NRF1: variants seen among roughly 807,000 people sequenced by gnomAD.
NRF1 encodes the protein alpha palindromic-binding protein.
Under a neutral mutation model 58.5 loss-of-function variants are expected in NRF1, and 5 were observed. That is an observed-to-expected ratio of 0.09 (90% CI 0.04 to 0.18). The LOEUF is 0.18. Among genes scored for constraint, NRF1 ranks in the 10% least tolerant of loss-of-function variants. The pLI, the probability that NRF1 is intolerant of heterozygous loss-of-function variation, is 1.00. For synonymous variants in NRF1, 224 were observed against 246.7 expected, an observed-to-expected ratio of 0.91 and a Z score of 0.86; for missense variants, 288 against 657.7, an observed-to-expected ratio of 0.44 and a Z score of 6.15.
rs1404000422 is a variant in NRF1 at position 129,755,143 on chromosome 7, G to T, written c.1474G>T (p.Asp492Tyr). 1 of 1,613,558 alleles carries T rather than the reference G, an allele frequency of 6.2e-7. No individual in the cohort carries two copies. Among genetic ancestry groups the T allele is most frequent in the Non-Finnish European group, 8.5e-7 (1 of 1,179,836 alleles). Residue 492 changes from aspartate (D) to tyrosine (Y), a missense_variant, in exon 11 of 11, where the codon GAC becomes TAC. Asp to Tyr is a radical substitution (Grantham distance 160, BLOSUM62 -3). Coordinates refer to ENST00000393232, the MANE Select transcript of NRF1 (RefSeq NM_005011.5). This position sits in a 1 kb window ranked among gnomAD's most constrained non-coding sequence, Gnocchi z 5.8. ...TRISDSAVTM[D>Y]GQAVEVVTLE... ...GATATCAGACAGCGCAGTCACCATG[G>T]ACGGCCAAGCTGTGGAGGTGGTGAC...
chr7:129,659,625 T>A (rs1165771058), intron 2 of NRF1, among the ~76,000 whole-genome samples: 2 of 152,224 alleles, frequency 1.3e-5, no homozygotes, highest in Non-Finnish European at 2.9e-5. Context: ...GAAGGTACTG[T>A]TCCACTGTCT....
At chr7:129,628,883 C>G (rs1316851821) in intron 1 of NRF1, among the ~76,000 whole-genome samples, 1 of 152,180 alleles carries the variant, frequency 6.6e-6, no homozygotes, top group Non-Finnish European at 1.5e-5. Context: ...TTTGTAACAT[C>G]ATCTATTGGT....
chr7:129,712,438 A>G (rs369664361), intron 8 of NRF1, among the ~76,000 whole-genome samples: 116 of 152,354 alleles, frequency 7.6e-4, no homozygotes, highest in African/African-American at 2.6e-3. Flanking sequence ...GCCATGGAGC[A>G]TTTCCCCTTA....
At chr7:129,663,889 C>T (rs1249652890) in intron 2 of NRF1, among the ~76,000 whole-genome samples, 1 of 152,160 alleles carries the variant, frequency 6.6e-6, no homozygotes, top group African/African-American at 2.4e-5. Context: ...CCTCGGGAGG[C>T]CGAGGTGGGC....
At chr7:129,694,401 G>C (rs961263543) in intron 5 of NRF1, among the ~76,000 whole-genome samples, 1 of 151,984 alleles carries the variant, frequency 6.6e-6, no homozygotes, top group Non-Finnish European at 1.5e-5. Context: ...GTCTCACTCT[G>C]TTGCCCAGGC....
At chr7:129,617,155 A>G (rs946792883) in intron 1 of NRF1, among the ~76,000 whole-genome samples, 9 of 152,172 alleles carry the variant, frequency 5.9e-5, no homozygotes, top group African/African-American at 1.9e-4. Context: ...GTTGGGATAA[A>G]CTATGCCAAG....
chr7:129,756,810 A>G lies in NRF1; in HGVS notation c.*1629A>G, dbSNP rs1031521617. The G allele has an allele frequency of 2.6e-5, 4 of 152,288 alleles. No homozygotes were observed. Among genetic ancestry groups the G allele is most frequent in the African/African-American group, 7.3e-5 (3 of 41,298 alleles). The allele number at this position is 152,288 out of a possible 1,614,324, so 9.4% of individuals were successfully genotyped here. A position where few individuals can be genotyped will look rare whatever the true frequency, so the allele number is the denominator to read the frequency against. On this transcript the variant is annotated 3_prime_UTR_variant, in exon 11 of 11. Transcript: ENST00000393232. ...TCTTTATATGTTCTTTTCTGTACGT[A>G]ATGGGGGGAGGGGAGGGAAATTTAC...
At chr7:129,666,148 C>A (rs1350293721) in intron 2 of NRF1, among the ~76,000 whole-genome samples, 5 of 152,170 alleles carry the variant, frequency 3.3e-5, no homozygotes, top group Middle Eastern at 3.2e-3. Flanking sequence ...CACTGCCCAG[C>A]TTTGTCAGTT....
intron 1 of NRF1, chr7:129,641,814 G>A (rs1472894295): frequency 6.6e-6 from 1 of 151,978 alleles, no homozygotes; most frequent in East Asian, 1.9e-4. Context: ...CGAGTAGTTG[G>A]GACTACAGGT....
At chr7:129,628,066 C>T (rs1162672294) in intron 1 of NRF1, among the ~76,000 whole-genome samples, 15 of 100,520 alleles carry the variant, frequency 1.5e-4, no homozygotes, top group East Asian at 1.3e-3. Context: ...TTTTTTGAGA[C>T]GGAGTCTTGC....
chr7:129,700,730 C>T (rs1216874460), intron 5 of NRF1, among the ~76,000 whole-genome samples: 1 of 152,016 alleles, frequency 6.6e-6, no homozygotes, highest in Admixed American at 6.6e-5. Context: ...ACAACCTGGG[C>T]AACACAGCAA....
At chr7:129,714,807 T>C (rs532437277) in intron 8 of NRF1, among the ~76,000 whole-genome samples, 12 of 152,268 alleles carry the variant, frequency 7.9e-5, no homozygotes, top group South Asian at 4.2e-4. Flanking sequence ...GTAATATAAC[T>C]AAAGCAGGAA....
At chr7:129,740,293 C>G (rs1041678896) in intron 10 of NRF1, among the ~76,000 whole-genome samples, 1 of 152,202 alleles carries the variant, frequency 6.6e-6, no homozygotes, top group South Asian at 2.1e-4. Context: ...TGTTGACTAC[C>G]ACTGCTACAA....
chr7:129,612,570 C>T (rs1584570206), intron 1 of NRF1, among the ~76,000 whole-genome samples: 1 of 152,168 alleles, frequency 6.6e-6, no homozygotes, highest in African/African-American at 2.4e-5. Flanking sequence ...GTTTTCTTCC[C>T]CAGCTGAGAT....
chr7:129,658,045 T>C (rs571216495), intron 2 of NRF1, among the ~76,000 whole-genome samples: 1 of 152,332 alleles, frequency 6.6e-6, no homozygotes, highest in South Asian at 2.1e-4. Flanking sequence ...ATGTTTTGGC[T>C]TTAAACTGAA....
intron 3 of NRF1, among the ~76,000 whole-genome samples, chr7:129,674,624 G>A (rs111864889): frequency 3.3e-5 from 5 of 152,034 alleles, no homozygotes; most frequent in African/African-American, 1.2e-4. Context: ...CTGTAAAGAC[G>A]GGGTCTCACT....
chr7:129,718,910 T>C (rs1803251639), intron 9 of NRF1, among the ~76,000 whole-genome samples: 1 of 152,180 alleles, frequency 6.6e-6, no homozygotes, highest in Non-Finnish European at 1.5e-5. Context: ...TCACACAGAA[T>C]CATGTATATG....
At chr7:129,659,722 C>T (rs989561683) in intron 2 of NRF1, among the ~76,000 whole-genome samples, 1 of 152,200 alleles carries the variant, frequency 6.6e-6, no homozygotes. Context: ...TGGCCTGCCC[C>T]CCTCTCCCGG....
At chr7:129,639,077 T>G (rs79995515) in intron 1 of NRF1, among the ~76,000 whole-genome samples, 14 of 152,180 alleles carry the variant, frequency 9.2e-5, no homozygotes, top group Admixed American at 3.9e-4. Context: ...GAATTTTTTT[T>G]GGGACAGGTT....
Sources: allele counts gnomAD v4.1 joint callset (sites outside exome capture counted in the v4.1 genomes callset), GRCh38; gene constraint gnomAD v4.1.1; non-coding constraint Gnocchi (gnomAD v3.1); transcripts MANE v1.5; gene names NCBI Gene and HGNC (gene_info 2026-07-23, HGNC 2026-07-21).